Variants in MEG3 observed in about 807,000 individuals in gnomAD.
The protein encoded by MEG3 is Very putative protein from MEG3 locus.
At chr14:100,835,043 C>T (rs548630920) in exon 1 of MEG3, 26 of 347,132 alleles carry the variant, frequency 7.5e-5, no homozygotes, top group South Asian at 2.4e-4. Context: ...CCCAGGAGGG[C>T]GGGCCGGGGG....
intron 3 of MEG3, chr14:100,849,308 C>G (rs993011218): frequency 6.6e-6 from 1 of 152,060 alleles, no homozygotes; most frequent in African/African-American, 2.4e-5. Flanking sequence ...CAGCCCCACA[C>G]GGACCAGTGT....
rs572793680 is a variant in MEG3, at chr14:100,839,002, G to A, written n.3045+2702G>A. The stretch of plus-strand genomic sequence containing the variant: ...ATGTCAAAACCTGGCAAGACTTAAG[G>A]GCAACAGGATGCATGTGTTTCTTAT... On this transcript the variant is annotated intron_variant and non_coding_transcript_variant, in intron 2 of 3. Coordinates refer to the MEG3 transcript ENST00000398461. Among the ~76,000 whole-genome samples, 502 of 152,196 alleles carry A rather than the reference G, an allele frequency of 3.3e-3. 6 individuals are homozygous for A. The highest frequency in any genetic ancestry group is 0.012 in the African/African-American group (485 of 41,512).
chr14:100,834,686 T>C (rs1290427380), exon 1 of MEG3: 1 of 456,318 alleles, frequency 2.2e-6, no homozygotes, highest in East Asian at 7.0e-5. Context: ...CTCCTCAGGG[T>C]GTCCCAGCAC....
rs962281966 is a variant in MEG3, at chr14:100,837,551, G to A, written n.3045+1251G>A. Among the ~76,000 whole-genome samples, 1 of 152,070 alleles carries A rather than the reference G, an allele frequency of 6.6e-6. No homozygotes were observed. The highest frequency in any genetic ancestry group is 2.4e-5 in the African/African-American group (1 of 41,386). Reference sequence around the variant, plus strand: ...CCAATACTCCCCTCTGGACGCCCACGAATGGGGTCTCTGAGAAGGAAGTGG... The same window carrying A: ...CCAATACTCCCCTCTGGACGCCCACAAATGGGGTCTCTGAGAAGGAAGTGG... On this transcript the variant is annotated intron_variant and non_coding_transcript_variant, in intron 2 of 3. Coordinates refer to the MEG3 transcript ENST00000398461. The surrounding 1 kb of genome is among the most constrained non-coding windows in gnomAD (Gnocchi z 5.8).
At chr14:100,839,703 C>T (rs1197902089) in intron 2 of MEG3, among the ~76,000 whole-genome samples, 4 of 152,106 alleles carry the variant, frequency 2.6e-5, no homozygotes, top group African/African-American at 9.7e-5. Context: ...CTGATGAGGG[C>T]GTGCAGACCC....
chr14:100,842,045 T>C (rs4900477), intron 2 of MEG3, among the ~76,000 whole-genome samples: 45,086 of 152,068 alleles, frequency 0.3, 6,833 homozygotes, highest in Admixed American at 0.33. Flanking sequence ...TTGCCAACAT[T>C]CCCAGCTATC....
rs779344118 is a variant in MEG3 at position 100,837,974 on chromosome 14, C to T, written n.3045+1674C>T. 3.9e-5 allele frequency among the ~76,000 whole-genome samples: 6 copies of T among 151,980 alleles called. No individual in the cohort carries two copies. Among genetic ancestry groups the T allele is most frequent in the Non-Finnish European group, 8.8e-5 (6 of 68,012 alleles). ...GAGGGGGCCCAGGAAGGCTCTGCCC[C>T]GTGACATTTACTCCAAGGCTAGCAT... On this transcript the variant is annotated intron_variant and non_coding_transcript_variant, in intron 2 of 3. Coordinates refer to the MEG3 transcript ENST00000398461. The surrounding 1 kb of genome is among the most constrained non-coding windows in gnomAD (Gnocchi z 5.8).
At chr14:100,841,259 C>G (rs1375853272) in intron 2 of MEG3, among the ~76,000 whole-genome samples, 3 of 152,234 alleles carry the variant, frequency 2.0e-5, no homozygotes, top group Admixed American at 6.5e-5. Context: ...TTCTGAGCCT[C>G]AGAGAGGTCA....
chr14:100,843,662 C>T (rs2037825391), intron 2 of MEG3, among the ~76,000 whole-genome samples: 1 of 152,048 alleles, frequency 6.6e-6, no homozygotes, highest in African/African-American at 2.4e-5. Flanking sequence ...TCTTGGACAT[C>T]CTGGCTGGAG....
chr14:100,845,416 G>C lies in MEG3; in HGVS notation n.3046-42G>C, dbSNP rs1208411054. ...CCGCCCTCCTCCTCCTCGCCGGCCT[G>C]AGTGAGGTTCTACTCTGTGACCTAG... is the stretch of plus-strand genomic sequence containing the variant. On this transcript the variant is annotated intron_variant and non_coding_transcript_variant, in intron 2 of 3. Coordinates refer to the MEG3 transcript ENST00000398461. The surrounding 1 kb of genome is among the most constrained non-coding windows in gnomAD (Gnocchi z 5.2). 4 of 452,070 alleles carry C rather than the reference G, an allele frequency of 8.8e-6. No homozygotes were observed. The highest frequency in any genetic ancestry group is 1.3e-5 in the Non-Finnish European group (3 of 224,500). The allele number at this position is 452,070 out of a possible 1,614,324, so 28.0% of individuals were successfully genotyped here. A position where few individuals can be genotyped will look rare whatever the true frequency, so the allele number is the denominator to read the frequency against.
chr14:100,826,649 G>T (rs957246149), intron 1 of MEG3, among the ~76,000 whole-genome samples: 2 of 152,196 alleles, frequency 1.3e-5, no homozygotes, highest in African/African-American at 4.8e-5. Flanking sequence ...TGAATTAGGG[G>T]GGGAAGCACC....
Position 100,837,731 on chromosome 14 carries a change from A to T in MEG3, n.3045+1431A>T, listed in dbSNP as rs969770874. On this transcript the variant is annotated intron_variant and non_coding_transcript_variant, in intron 2 of 3. Transcript: ENST00000398461. The surrounding 1 kb of genome is among the most constrained non-coding windows in gnomAD (Gnocchi z 5.8). ...CTCGTAATGCTCTTTAATCAAACAG[A>T]GGATTTGGAGACAGCTCTCCTGCAG... 1.3e-5 allele frequency among the ~76,000 whole-genome samples: 2 copies of T among 151,972 alleles called. No individual in the cohort carries two copies. Among genetic ancestry groups the T allele is most frequent in the African/African-American group, 4.8e-5 (2 of 41,380 alleles).
At chr14:100,841,411 CG>C (rs1180605026) in intron 2 of MEG3, among the ~76,000 whole-genome samples, 1 of 152,226 alleles carries the variant, frequency 6.6e-6, no homozygotes, top group Admixed American at 6.5e-5. Flanking sequence ...CCGAGTGGCT[CG>C]GGGTTTCTTC....
intron 2 of MEG3, among the ~76,000 whole-genome samples, chr14:100,839,205 G>A (rs1411695914): frequency 6.6e-6 from 1 of 152,138 alleles, no homozygotes; most frequent in Non-Finnish European, 1.5e-5. Context: ...AGGTCCCAAA[G>A]GGTTAAAGGG....
At chr14:100,859,863 G>T in exon 1 of MEG3, 1 of 152,326 alleles carries the variant, frequency 6.6e-6, no homozygotes. Context: ...TGCATGCCGT[G>T]GGCTGGCTCG....
intron 2 of MEG3, among the ~76,000 whole-genome samples, chr14:100,844,037 G>A (rs1228596439): frequency 6.6e-6 from 1 of 151,876 alleles, no homozygotes; most frequent in Non-Finnish European, 1.5e-5. Flanking sequence ...TCATCATGTT[G>A]GTCAGGCTGG....
At chr14:100,833,211 A>G (rs984820061), downstream of MEG3, 4 of 152,234 alleles carry the variant, frequency 2.6e-5, no homozygotes, top group Admixed American at 2.6e-4. Context: ...GTCAGGATCA[A>G]TCAGTGGAGA....
At chr14:100,857,796 A>T (rs903357847) in exon 1 of MEG3, 5 of 152,080 alleles carry the variant, frequency 3.3e-5, no homozygotes, top group African/African-American at 4.8e-5. Flanking sequence ...GCAAACATTC[A>T]TGTATGCCCC....
At chr14:100,848,198 T>A (rs2037972375) in intron 3 of MEG3, 1 of 152,044 alleles carries the variant, frequency 6.6e-6, no homozygotes, top group Non-Finnish European at 1.5e-5. Flanking sequence ...AGAGCCATGC[T>A]AGAACAGGAA....
Sources: gnomAD v4.1 joint callset for allele counts (sites outside exome capture counted in the v4.1 genomes callset) on GRCh38, gnomAD v4.1.1 for gene constraint, Gnocchi (gnomAD v3.1) non-coding constraint, MANE v1.5 for transcripts, NCBI Gene and HGNC (gene_info 2026-07-23, HGNC 2026-07-21) for gene names.